The following CCDC60 variants were observed in gnomAD, a reference collection of about 807,000 sequenced individuals.
CCDC60 encodes the protein coiled-coil domain containing 60, also known as coiled-coil domain-containing protein 60.
A neutral mutation model predicts 63.5 loss-of-function variants in CCDC60; 54 were observed. The ratio of observed to expected loss-of-function variants is 0.85; its 90% confidence interval spans 0.68 to 1.07. The LOEUF (loss-of-function observed/expected upper bound fraction) is 1.07, where lower values mean the gene tolerates loss of function less well. Ranked by LOEUF, CCDC60 falls within the 50% of genes least tolerant of loss-of-function variation. The pLI, the probability that CCDC60 is intolerant of heterozygous loss-of-function variation, is 0.00. For synonymous variants in CCDC60, 206 were observed against 238.8 expected, an observed-to-expected ratio of 0.86 and a Z score of 1.27; for missense variants, 651 against 684.3, an observed-to-expected ratio of 0.95 and a Z score of 0.54.
At chr12:119,484,916 C>T (rs1485106113) in intron 4 of CCDC60, among the ~76,000 whole-genome samples, 1 of 152,118 alleles carries the variant, frequency 6.6e-6, no homozygotes, top group Non-Finnish European at 1.5e-5. Context: ...CAGGTAGTTA[C>T]AGCAGAGCAG....
intron 7 of CCDC60, among the ~76,000 whole-genome samples, chr12:119,505,692 C>T (rs757653542): frequency 6.6e-6 from 1 of 152,178 alleles, no homozygotes; most frequent in Non-Finnish European, 1.5e-5. Context: ...CCTGTCTCTA[C>T]TGCAAATGCA....
intron 1 of CCDC60, among the ~76,000 whole-genome samples, chr12:119,352,866 G>T (rs1955670874): frequency 1.3e-5 from 2 of 152,134 alleles, no homozygotes; most frequent in African/African-American, 4.8e-5. Context: ...CTTGGACCAG[G>T]GAGGCGGAGG....
intron 1 of CCDC60, among the ~76,000 whole-genome samples, chr12:119,346,113 C>T (rs1230778708): frequency 1.3e-5 from 2 of 151,504 alleles, no homozygotes; most frequent in Admixed American, 6.6e-5. Context: ...GTGTGAGCCA[C>T]TGTACCTGGC....
chr12:119,459,644 A>G (rs1227355734), intron 2 of CCDC60, among the ~76,000 whole-genome samples: 1 of 152,154 alleles, frequency 6.6e-6, no homozygotes, highest in Non-Finnish European at 1.5e-5. Flanking sequence ...TGTTCAAGGT[A>G]TTTTACAGAC....
chr12:119,428,580 T>C (rs1170879616), intron 1 of CCDC60, 103 bp from the exon 2 acceptor site: 6 of 746,004 alleles, frequency 8.0e-6, no homozygotes, highest in Non-Finnish European at 1.4e-5. Flanking sequence ...TCCTTAAACC[T>C]AGCCATACAT....
At chr12:119,349,939 C>T (rs1004041279) in intron 1 of CCDC60, among the ~76,000 whole-genome samples, 15 of 152,256 alleles carry the variant, frequency 9.9e-5, no homozygotes, top group Non-Finnish European at 1.6e-4. Flanking sequence ...TTCTGCTCAC[C>T]CTTGGGTGAC....
chr12:119,520,056 T>G (rs708884), intron 8 of CCDC60, 65 bp from the exon 9 acceptor site: 3 of 1,373,632 alleles, frequency 2.2e-6, no homozygotes, highest in East Asian at 2.3e-5. Flanking sequence ...TCCTCCCACA[T>G]GTAGTTACTG....
At chr12:119,465,400 G>A (rs1950934738) in intron 2 of CCDC60, among the ~76,000 whole-genome samples, 1 of 152,064 alleles carries the variant, frequency 6.6e-6, no homozygotes, top group South Asian at 2.1e-4. Flanking sequence ...TTTTTTGGGT[G>A]AAACCAATGT....
intron 2 of CCDC60, among the ~76,000 whole-genome samples, chr12:119,459,418 C>T (rs920061841): frequency 6.6e-6 from 1 of 152,186 alleles, no homozygotes; most frequent in African/African-American, 2.4e-5. Context: ...TTCCATCTTG[C>T]TTCTAACCTC....
intron 10 of CCDC60, 77 bp downstream of exon 10, chr12:119,523,078 A>G (rs1952574415): frequency 7.6e-7 from 1 of 1,313,896 alleles, no homozygotes; most frequent in Admixed American, 1.7e-5. Flanking sequence ...CCAGGGGTGT[A>G]GAAATGACCC....
intron 8 of CCDC60, among the ~76,000 whole-genome samples, chr12:119,519,247 C>T (rs894360284): frequency 2.6e-5 from 4 of 152,050 alleles, no homozygotes; most frequent in Non-Finnish European, 4.4e-5. Context: ...GGCCGGGCTG[C>T]CCCCTAGCCA....
At chr12:119,494,798 C>T (rs1026568714) in intron 5 of CCDC60, among the ~76,000 whole-genome samples, 30 of 152,192 alleles carry the variant, frequency 2.0e-4, no homozygotes, top group African/African-American at 6.7e-4. Flanking sequence ...CTGACCCACA[C>T]GGAGAAACCC....
intron 8 of CCDC60, among the ~76,000 whole-genome samples, chr12:119,519,292 A>C (rs1952432938): frequency 6.6e-6 from 1 of 152,078 alleles, no homozygotes; most frequent in Non-Finnish European, 1.5e-5. Context: ...ATCTGGTAGC[A>C]GTGTCCCTGA....
In CCDC60 at chr12:119,456,483, C is replaced by A. The variant is rs1950752004; in HGVS notation, c.171-15511C>A. ...TTCCTGGGGGTTTCTGCACTACAGTCCCTTCATGGTCACTAGAAAGATGTT... is the reference window on the plus strand; with the variant it reads ...TTCCTGGGGGTTTCTGCACTACAGTACCTTCATGGTCACTAGAAAGATGTT... On this transcript the variant is annotated intron_variant, in intron 2 of 13. Coordinates refer to ENST00000327554, the MANE Select transcript of CCDC60 (RefSeq NM_178499.5). This position sits in a 1 kb window ranked among gnomAD's most constrained non-coding sequence, Gnocchi z 4.6. Among the ~76,000 whole-genome samples, 1 of 152,176 alleles carries A rather than the reference C, an allele frequency of 6.6e-6. No individual in the cohort carries two copies. Among genetic ancestry groups the A allele is most frequent in the Non-Finnish European group, 1.5e-5 (1 of 68,034 alleles).
intron 1 of CCDC60, among the ~76,000 whole-genome samples, chr12:119,343,573 C>A (rs1428089999): frequency 6.6e-6 from 1 of 151,570 alleles, no homozygotes; most frequent in African/African-American, 2.4e-5. Flanking sequence ...GGTCTTCTCC[C>A]AAGGAACCCA....
chr12:119,517,797 G>T (rs1952393987), intron 8 of CCDC60, among the ~76,000 whole-genome samples: 1 of 152,174 alleles, frequency 6.6e-6, no homozygotes, highest in Non-Finnish European at 1.5e-5. Context: ...TCATAAGGAG[G>T]TACTATCAGA....
chr12:119,375,396 A>G (rs1050855693), intron 1 of CCDC60, among the ~76,000 whole-genome samples: 1 of 152,200 alleles, frequency 6.6e-6, no homozygotes, highest in African/African-American at 2.4e-5. Flanking sequence ...AAGCAGATGC[A>G]TACAATCAGC....
chr12:119,345,935 C>T (rs1955587816), intron 1 of CCDC60, among the ~76,000 whole-genome samples: 1 of 151,778 alleles, frequency 6.6e-6, no homozygotes, highest in South Asian at 2.1e-4. Context: ...CTTTTCTCAG[C>T]CTCCCAAATA....
At chr12:119,497,486 A>G (rs1169885595) in intron 5 of CCDC60, among the ~76,000 whole-genome samples, 1 of 152,224 alleles carries the variant, frequency 6.6e-6, no homozygotes, top group Non-Finnish European at 1.5e-5. Flanking sequence ...ATCTTGCTGC[A>G]TTTTGAACTC....
Sources: gnomAD v4.1 joint callset for allele counts (sites outside exome capture counted in the v4.1 genomes callset) on GRCh38, gnomAD v4.1.1 for gene constraint, Gnocchi (gnomAD v3.1) non-coding constraint, MANE v1.5 for transcripts, NCBI Gene and HGNC (gene_info 2026-07-23, HGNC 2026-07-21) for gene names.